Variants in PSG7 observed in about 807,000 individuals in gnomAD.
PSG7 encodes the protein pregnancy-specific beta-1-glycoprotein 7.
A neutral mutation model predicts 45.6 loss-of-function variants in PSG7; 57 were observed. That is an observed-to-expected ratio of 1.25 (90% confidence interval 1.01 to 1.56). PSG7 has a LOEUF of 1.56. PSG7 is among the 40% of genes most tolerant of loss of function. PSG7 has a pLI of 0.00. For missense variants in PSG7, 796 were observed against 508.4 expected (o/e 1.57, Z -5.44); for synonymous variants, 298 against 194.4 (o/e 1.53, Z -4.43).
intron 5 of PSG7, 51 bp from the exon 6 acceptor site, chr19:42,924,875 T>C: frequency 2.6e-6 from 2 of 764,334 alleles, no homozygotes; most frequent in Non-Finnish European, 2.4e-6. Context: ...TGCAATCTCA[T>C]AACAGGTGTA....
rs1173909681 is a variant in PSG7 at position 42,933,285 on chromosome 19, ATATATATATATATATATATATATTTTTT to A, written c.430+2091_430+2118del. 1.3e-3 allele frequency among the ~76,000 whole-genome samples: 11 copies of A among 8,226 alleles called. 1 individual carries two copies. The highest frequency in any genetic ancestry group is 3.7e-3 in the African/African-American group (11 of 2,994). The allele number at this position is 8,226 out of a possible 152,430, so 5.4% of individuals were successfully genotyped here. On this transcript the variant is annotated intron_variant, in intron 2 of 5. Transcript: ENST00000406070. ...CATTTCAATATATATATATATATAT[ATATATATATATATATATATATATTTTTT>A]TTTTTTTTTGGTGTATGTATGTGTG...
chr19:42,928,371 C>G lies in PSG7; in HGVS notation c.709+1071G>C, dbSNP rs7257908. Reference sequence around the variant, plus strand: ...TGCATTGAATCTGCAACTCACTTTGCGTAGTATTTTCTTTCTAACAATATT... The same window carrying G: ...TGCATTGAATCTGCAACTCACTTTGGGTAGTATTTTCTTTCTAACAATATT... On this transcript the variant is annotated intron_variant, in intron 3 of 5. Coordinates refer to ENST00000406070, the MANE Select transcript of PSG7 (RefSeq NM_002783.3). 5.3e-5 allele frequency among the ~76,000 whole-genome samples: 8 copies of G among 151,348 alleles called. 1 individual carries two copies. The highest frequency in any genetic ancestry group is 8.8e-5 in the Non-Finnish European group (6 of 67,884).
chr19:42,929,189 G>C (rs1972962006), intron 3 of PSG7: 1 of 852,068 alleles, frequency 1.2e-6, no homozygotes, highest in Non-Finnish European at 1.7e-6. Context: ...TCTGGAGCCT[G>C]AGACATTCAC....
intron 4 of PSG7, 25 bp from the exon 5 acceptor site, chr19:42,926,052 A>G: frequency 1.2e-6 from 2 of 1,607,294 alleles, no homozygotes; most frequent in Non-Finnish European, 8.5e-7. Flanking sequence ...ATAAAGCCAC[A>G]GGTGATGTTA....
chr19:42,930,064 G>A (rs1972986766), intron 2 of PSG7, among the ~76,000 whole-genome samples: 1 of 151,636 alleles, frequency 6.6e-6, no homozygotes. Flanking sequence ...CTCACTTGGA[G>A]CATTCAGTGC....
At chr19:42,928,735 C>T (rs768606007) in intron 3 of PSG7, among the ~76,000 whole-genome samples, 2 of 151,318 alleles carry the variant, frequency 1.3e-5, no homozygotes, top group Non-Finnish European at 2.9e-5. Context: ...TCCCTGATAG[C>T]CAGATAGACT....
Position 42,936,042 on chromosome 19 carries a change from G to C in PSG7, c.65-273C>G, listed in dbSNP as rs550874145. On this transcript the variant is annotated intron_variant, in intron 1 of 5. Transcript: ENST00000406070. ...CCTGACTTTGGCATTTTTCTGTTTG[G>C]AATCCTCTTCCCCAGGGGTCCGCAC... 36 of 580,074 alleles carry C rather than the reference G, an allele frequency of 6.2e-5. No individual in the cohort carries two copies. The South Asian group carries it at 8.5e-4, about 14-fold the overall frequency. The allele number at this position is 580,074 out of a possible 1,614,324, so 35.9% of individuals were successfully genotyped here.
At position 42,924,784 on chromosome 19, in the gene PSG7, T is replaced by C. The variant is rs1374890713; in HGVS notation, c.*24A>G. 3.9e-6 allele frequency: 3 copies of C among 767,310 alleles called. No homozygotes were observed. Among genetic ancestry groups the C allele is most frequent in the South Asian group, 1.3e-5 (1 of 74,132 alleles). 47.5% of individuals were successfully genotyped at this position (767,310 alleles called of 1,614,324 possible). A position where few individuals can be genotyped will look rare whatever the true frequency, so the allele number is the denominator to read the frequency against. ...CTCTTTGAGGTTCCATGGGAGAAGA[T>C]GGAATTGGAGGAACTAGTAGAATTC... On this transcript the variant is annotated 3_prime_UTR_variant, in exon 6 of 6. Coordinates refer to ENST00000406070, the MANE Select transcript of PSG7 (RefSeq NM_002783.3).
At chr19:42,935,860 C>A (rs1451066389) in intron 1 of PSG7, 91 bp from the exon 2 acceptor site, 8 of 1,346,458 alleles carry the variant, frequency 5.9e-6, no homozygotes, top group East Asian at 2.5e-5. Flanking sequence ...TCTCTTCAAT[C>A]CTCAGCCTTG....
intron 2 of PSG7, among the ~76,000 whole-genome samples, chr19:42,934,204 G>A (rs1464833495): frequency 6.6e-6 from 1 of 151,416 alleles, no homozygotes; most frequent in Non-Finnish European, 1.5e-5. Context: ...CTGAGGGGGA[G>A]ACCTGGACAT....
rs556238390 is a variant in PSG7 at position 42,926,459 on chromosome 19, G to A, written c.967C>T (p.Pro323Ser). The change falls in exon 4 of 6, where the codon CCA (proline) becomes TCA (serine). Residue 323 changes from proline (P) to serine (S), a missense_variant. By Grantham distance (74) the Pro-to-Ser change is moderately conservative. Coordinates refer to ENST00000406070, the MANE Select transcript of PSG7 (RefSeq NM_002783.3). ...TCACAGAGGACATTCAGGGTGACTG[G>A]GTCACTGCGGATGCCACCATATCGG... ...RDRYGGIRSDPVTLNVLYGPD... is the reference protein window; with the variant it reads ...RDRYGGIRSDSVTLNVLYGPD... 8.1e-6 allele frequency: 13 copies of A among 1,611,620 alleles called. No individual in the cohort carries two copies. In the Admixed American group the frequency reaches 1.3e-4, roughly 17 times the overall value.
At chr19:42,926,096 G>C (rs1278127140) in intron 4 of PSG7, 69 bp from the exon 5 acceptor site, 2 of 1,576,000 alleles carry the variant, frequency 1.3e-6, no homozygotes, top group Admixed American at 3.5e-5. Context: ...GTCTCTTAAA[G>C]GGACAGAGTG....
intron 5 of PSG7, 175 bp downstream of exon 5, chr19:42,925,598 T>A (rs2122669596): frequency 7.0e-7 from 1 of 1,432,636 alleles, no homozygotes; most frequent in East Asian, 2.3e-5. Context: ...ATCAGCCTGT[T>A]TGTTAAAGTT....
At chr19:42,931,374 G>C (rs991835605) in intron 2 of PSG7, among the ~76,000 whole-genome samples, 1 of 151,486 alleles carries the variant, frequency 6.6e-6, no homozygotes, top group Non-Finnish European at 1.5e-5. Context: ...TAAGTAGAGA[G>C]AGTCCCGTTA....
chr19:42,927,913 C>G (rs1455871700), intron 3 of PSG7, among the ~76,000 whole-genome samples: 1 of 151,662 alleles, frequency 6.6e-6, no homozygotes, highest in African/African-American at 2.4e-5. Flanking sequence ...AAGTGTTTTG[C>G]ATTTCTTTCA....
intron 5 of PSG7, 83 bp downstream of exon 5, chr19:42,925,690 A>G (rs1186728538): frequency 1.2e-5 from 20 of 1,604,322 alleles, no homozygotes; most frequent in East Asian, 4.5e-5. Context: ...GGCTGGGAAT[A>G]CAAATGTTTT....
chr19:42,925,385 T>C (rs1972858575), intron 5 of PSG7: 2 of 421,408 alleles, frequency 4.7e-6, no homozygotes, highest in South Asian at 3.1e-5. Context: ...TCAATTATCA[T>C]TCCCAGAAGT....
chr19:42,926,290 G>T, intron 4 of PSG7, 148 bp downstream of exon 4: 1 of 1,491,996 alleles, frequency 6.7e-7, no homozygotes, highest in East Asian at 2.3e-5. Flanking sequence ...TTTTCCCAGG[G>T]CAGGGAGTCA....
chr19:42,930,737 A>T (rs1600567985), intron 2 of PSG7, among the ~76,000 whole-genome samples: 1 of 151,432 alleles, frequency 6.6e-6, no homozygotes, highest in African/African-American at 2.4e-5. Context: ...TGAATCAGAG[A>T]GTAGAATAGT....
Sources: gnomAD v4.1 joint callset for allele counts (sites outside exome capture counted in the v4.1 genomes callset) on GRCh38, gnomAD v4.1.1 for gene constraint, MANE v1.5 for transcripts, NCBI Gene and HGNC (gene_info 2026-07-23, HGNC 2026-07-21) for gene names.